Variants in SERBP1 observed in about 807,000 individuals in gnomAD.
SERBP1 encodes the protein SERPINE1 mRNA binding protein 1.
SERBP1 carries 6 observed loss-of-function variants against 50.2 expected under a neutral mutation model. The ratio of observed to expected loss-of-function variants is 0.12; its 90% CI spans 0.07 to 0.24. The LOEUF (loss-of-function observed/expected upper bound fraction) is 0.24. Among genes scored for constraint, SERBP1 ranks in the 10% least tolerant of loss-of-function variants. The probability of loss-of-function intolerance (pLI) is 1.00; values close to 1 mark genes in which losing one functional copy is unlikely to be tolerated. For missense variants in SERBP1, 346 were observed against 524.9 expected, an observed-to-expected ratio of 0.66 and a Z score of 3.33; for synonymous variants, 168 against 182.8, an observed-to-expected ratio of 0.92 and a Z score of 0.65.
intron 5 of SERBP1, among the ~76,000 whole-genome samples, chr1:67,422,737 A>G (rs894436635): frequency 1.3e-5 from 2 of 151,972 alleles, no homozygotes; most frequent in African/African-American, 4.8e-5. Context: ...AGGCGGATGC[A>G]TCACCTGAGG....
At chr1:67,423,419 C>T (rs1667267810) in intron 5 of SERBP1, among the ~76,000 whole-genome samples, 1 of 151,992 alleles carries the variant, frequency 6.6e-6, no homozygotes, top group Admixed American at 6.6e-5. Flanking sequence ...CCAGCCTGGG[C>T]AAAATGGTGA....
At position 67,411,390 on chromosome 1, in the gene SERBP1, T is replaced by G. The variant is rs1326246355; in HGVS notation, c.*1817A>C. 1 of 152,182 alleles carries G rather than the reference T, an allele frequency of 6.6e-6. No homozygotes were observed. The highest frequency in any genetic ancestry group is 2.4e-5 in the African/African-American group (1 of 41,442). 9.4% of individuals were successfully genotyped at this position (152,182 alleles called of 1,614,324 possible). ...TACTTGAAAAGTCTAAACACACTGATTTAGGAGTGCGTATGTTGCTGTCTC... is the reference window on the plus strand; with the variant it reads ...TACTTGAAAAGTCTAAACACACTGAGTTAGGAGTGCGTATGTTGCTGTCTC... On this transcript the variant is annotated 3_prime_UTR_variant, in exon 8 of 8. Transcript: ENST00000361219.
At position 67,423,372 on chromosome 1, in the gene SERBP1, C is replaced by G. The variant is rs534309649; in HGVS notation, c.773+828G>C. Among the ~76,000 whole-genome samples, 62 of 151,962 alleles carry G rather than the reference C, an allele frequency of 4.1e-4. No homozygotes were observed. The South Asian group carries it at 8.7e-3, about 21-fold the overall frequency. ...CTGTAATCCCAGCACTTTGGGAGGC[C>G]AAGGTGGGTGGCTTGCCTGAGCTCA... On this transcript the variant is annotated intron_variant, in intron 5 of 7. Coordinates refer to ENST00000361219, the MANE Select transcript of SERBP1 (RefSeq NM_001018069.2).
Position 67,410,541 on chromosome 1 carries a change from G to A in SERBP1, c.*2666C>T, listed in dbSNP as rs1444142145. On this transcript the variant is annotated 3_prime_UTR_variant, in exon 8 of 8. Transcript: ENST00000361219. ...GCTTAACTCCACAGGTCTCAAAATA[G>A]CTAATAAAGAAACCATGTCTCCAAT... 1 of 152,002 alleles carries A rather than the reference G, an allele frequency of 6.6e-6. No homozygotes were observed. The highest frequency in any genetic ancestry group is 1.5e-5 in the Non-Finnish European group (1 of 67,972). The allele number at this position is 152,002 out of a possible 1,614,324, so 9.4% of individuals were successfully genotyped here.
chr1:67,427,666 C>A (rs1047864791), intron 1 of SERBP1, among the ~76,000 whole-genome samples: 2 of 152,280 alleles, frequency 1.3e-5, no homozygotes, highest in East Asian at 1.9e-4. Flanking sequence ...TGGAACCAGT[C>A]CTTGCAATAA....
At chr1:67,422,515 A>C (rs1667233275) in intron 5 of SERBP1, among the ~76,000 whole-genome samples, 1 of 152,052 alleles carries the variant, frequency 6.6e-6, no homozygotes, top group East Asian at 1.9e-4. Context: ...CATCTCAAAA[A>C]AAAAAAAGAA....
At chr1:67,417,398 A>G (rs1667048434) in intron 6 of SERBP1, 2 of 152,234 alleles carry the variant, frequency 1.3e-5, no homozygotes, top group Admixed American at 1.3e-4. Flanking sequence ...GCCATTTTAT[A>G]TAATGGACAT....
At chr1:67,421,530 C>T (rs1489855358) in intron 5 of SERBP1, among the ~76,000 whole-genome samples, 1 of 152,104 alleles carries the variant, frequency 6.6e-6, no homozygotes, top group Non-Finnish European at 1.5e-5. Context: ...TTCTTTAAAC[C>T]AAACACCCTC....
intron 7 of SERBP1, among the ~76,000 whole-genome samples, chr1:67,414,477 A>G (rs918994094): frequency 3.9e-5 from 6 of 152,182 alleles, no homozygotes; most frequent in African/African-American, 1.2e-4. Context: ...TGGGTCCCCA[A>G]ATTTGTGTGT....
At chr1:67,427,572 T>C (rs1311035528) in intron 1 of SERBP1, among the ~76,000 whole-genome samples, 1 of 152,152 alleles carries the variant, frequency 6.6e-6, no homozygotes, top group Admixed American at 6.5e-5. Flanking sequence ...CTGTAAATAC[T>C]CAAGATAGAC....
chr1:67,429,961 C>G, intron 1 of SERBP1, 27 bp downstream of exon 1: 1 of 1,564,376 alleles, frequency 6.4e-7, no homozygotes, highest in Non-Finnish European at 8.6e-7. Context: ...CCATCCCAGT[C>G]TCCCCCACAT....
chr1:67,418,200 C>T (rs954170762), intron 6 of SERBP1, among the ~76,000 whole-genome samples: 2 of 151,104 alleles, frequency 1.3e-5, no homozygotes, highest in African/African-American at 4.9e-5. Context: ...GTCTTGAACT[C>T]CCGACCTCAG....
rs1311050000 is a variant in SERBP1 at position 67,409,419 on chromosome 1, A to ACACACACACC, written c.*3787_*3788insGGTGTGTGTG. On this transcript the variant is annotated 3_prime_UTR_variant, in exon 8 of 8. Transcript: ENST00000361219. Reference sequence around the variant, plus strand: ...CACACACACACACACACACACACACACCCCCACACACACCAGGTCACAGGC... The same window carrying ACACACACACC: ...CACACACACACACACACACACACACACACACACACCCCCCCACACACACCAGGTCACAGGC... 9.6e-5 allele frequency: 12 copies of ACACACACACC among 125,078 alleles called. No homozygotes were observed. The highest frequency in any genetic ancestry group is 8.0e-4 in the South Asian group (3 of 3,764). 7.7% of individuals were successfully genotyped at this position (125,078 alleles called of 1,614,324 possible). A position where few individuals can be genotyped will look rare whatever the true frequency, so the allele number is the denominator to read the frequency against.
chr1:67,429,978 C>G lies in SERBP1; in HGVS notation c.313+10G>C. The G allele has an allele frequency of 6.3e-7, 1 of 1,593,342 alleles. No homozygotes were observed. Among genetic ancestry groups the G allele is most frequent in the Admixed American group, 1.7e-5 (1 of 57,242 alleles). ...ATCCCAGTCTCCCCCACATTCTGCC[C>G]CTGCTTTACCTTCTTTCTTAAGCGC... On this transcript the variant is annotated intron_variant, in intron 1 of 7. Transcript: ENST00000361219.
chr1:67,414,027 T>C (rs1266198038), intron 7 of SERBP1, among the ~76,000 whole-genome samples: 2 of 152,128 alleles, frequency 1.3e-5, no homozygotes, highest in African/African-American at 4.8e-5. Flanking sequence ...CAACCTCAGG[T>C]GATCTGTTCA....
At chr1:67,417,978 T>G (rs1294695692) in intron 6 of SERBP1, among the ~76,000 whole-genome samples, 5 of 138,216 alleles carry the variant, frequency 3.6e-5, no homozygotes, top group Non-Finnish European at 7.9e-5. Context: ...GTTGTTTTTT[T>G]TTTTTTTTTT....
At chr1:67,418,314 C>G (rs1474833243) in intron 6 of SERBP1, among the ~76,000 whole-genome samples, 2 of 151,368 alleles carry the variant, frequency 1.3e-5, no homozygotes. Context: ...TTCTACAGGA[C>G]TTAAAAAAGA....
At position 67,412,968 on chromosome 1, in the gene SERBP1, T is replaced by C; in HGVS notation, c.*239A>G. 3.8e-6 allele frequency: 2 copies of C among 533,142 alleles called. No individual in the cohort carries two copies. Among genetic ancestry groups the C allele is most frequent in the South Asian group, 2.9e-5 (1 of 34,184 alleles). 33.0% of individuals were successfully genotyped at this position (533,142 alleles called of 1,614,324 possible). A position where few individuals can be genotyped will look rare whatever the true frequency, so the allele number is the denominator to read the frequency against. On this transcript the variant is annotated 3_prime_UTR_variant, in exon 8 of 8. Coordinates refer to ENST00000361219, the MANE Select transcript of SERBP1 (RefSeq NM_001018069.2). ...TGAAGAATGCATAATCTCTGAAAAT[T>C]ATGAAAACATCCCTGCTACCAATAC...
intron 2 of SERBP1, 129 bp from the exon 3 acceptor site, chr1:67,425,352 G>A: frequency 1.2e-6 from 1 of 844,022 alleles, no homozygotes; most frequent in African/African-American, 1.7e-5. Context: ...ATACACTTCA[G>A]AAAATTCAAA....
Sources: allele counts gnomAD v4.1 joint callset (sites outside exome capture counted in the v4.1 genomes callset), GRCh38; gene constraint gnomAD v4.1.1; transcripts MANE v1.5; gene names NCBI Gene and HGNC (gene_info 2026-07-23, HGNC 2026-07-21).